Variants in HIBADH observed in about 807,000 individuals in gnomAD.
HIBADH encodes 3-hydroxyisobutyrate dehydrogenase, mitochondrial.
HIBADH carries 25 observed loss-of-function variants against 36.1 expected under a neutral mutation model. The observed-to-expected ratio is 0.69, with a 90% CI of 0.50 to 0.97. The LOEUF (loss-of-function observed/expected upper bound fraction) is 0.97. Among genes scored for constraint, HIBADH ranks in the 50% least tolerant of loss-of-function variants. The pLI is 0.00. For synonymous variants in HIBADH, 160 were observed against 149.5 expected (o/e 1.07, Z -0.51); for missense variants, 421 against 418.0 (o/e 1.01, Z -0.06).
intron 4 of HIBADH, among the ~76,000 whole-genome samples, chr7:27,588,137 A>G (rs934957585): frequency 6.6e-5 from 10 of 152,256 alleles, no homozygotes; most frequent in African/African-American, 1.9e-4. Flanking sequence ...TTACAAAACT[A>G]AAAAAATGAA....
At chr7:27,564,183 C>T (rs1424565526) in intron 4 of HIBADH, among the ~76,000 whole-genome samples, 1 of 152,126 alleles carries the variant, frequency 6.6e-6, no homozygotes, top group Non-Finnish European at 1.5e-5. Flanking sequence ...CAGGCGTGAG[C>T]CACCGTGCCT....
At chr7:27,591,546 G>A (rs1467926034) in intron 4 of HIBADH, among the ~76,000 whole-genome samples, 6 of 77,242 alleles carry the variant, frequency 7.8e-5, no homozygotes, top group South Asian at 8.0e-4. Context: ...GCGAGACTCC[G>A]TCTCAAAAAA....
intron 6 of HIBADH, among the ~76,000 whole-genome samples, chr7:27,536,535 A>C (rs1290065187): frequency 1.3e-5 from 2 of 152,106 alleles, no homozygotes; most frequent in Non-Finnish European, 2.9e-5. Flanking sequence ...CTGCTCTCTT[A>C]CATCTCTATT....
intron 4 of HIBADH, among the ~76,000 whole-genome samples, chr7:27,595,453 G>GGTTGCAGTGAGCCTAGACC (rs1167680689): frequency 2.6e-5 from 4 of 152,164 alleles, no homozygotes; most frequent in Non-Finnish European, 5.9e-5. Flanking sequence ...GGGAGGCAGA[G>GGTTGCAGTGAGCCTAGACC]GTTGCAGTGA....
intron 4 of HIBADH, among the ~76,000 whole-genome samples, chr7:27,581,846 A>G (rs1784797435): frequency 6.8e-6 from 1 of 146,112 alleles, no homozygotes; most frequent in African/African-American, 2.5e-5. Context: ...AGGAATCTAC[A>G]AAAAAAAAAC....
chr7:27,548,194 CT>C (rs1784262161), intron 4 of HIBADH, among the ~76,000 whole-genome samples: 1 of 10,116 alleles, frequency 9.9e-5, no homozygotes, highest in South Asian at 6.7e-3. Flanking sequence ...CTCTCTCTCT[CT>C]TAAAAAAAAA....
At chr7:27,631,032 C>G (rs1389367307) in intron 3 of HIBADH, among the ~76,000 whole-genome samples, 1 of 152,140 alleles carries the variant, frequency 6.6e-6, no homozygotes, top group Admixed American at 6.5e-5. Flanking sequence ...AAGAATCACC[C>G]ATAAGAAGCA....
chr7:27,641,945 G>C (rs1479978439), intron 2 of HIBADH, among the ~76,000 whole-genome samples: 1 of 62,586 alleles, frequency 1.6e-5, no homozygotes, highest in African/African-American at 9.8e-5. Context: ...GTGAGGAAGA[G>C]AGGCAAGAAG....
intron 5 of HIBADH, among the ~76,000 whole-genome samples, chr7:27,539,693 C>T (rs1784118992): frequency 6.6e-6 from 1 of 152,176 alleles, no homozygotes; most frequent in Admixed American, 6.5e-5. Flanking sequence ...GGGTGCCAAC[C>T]CCCAGTGCAG....
rs1786215550 is a variant in HIBADH at position 27,652,550 on chromosome 7, A to G, written c.92-2917T>C. Among the ~76,000 whole-genome samples, 4 of 152,240 alleles carry G rather than the reference A, an allele frequency of 2.6e-5. No homozygotes were observed. In the South Asian group the frequency reaches 6.2e-4, roughly 24 times the overall value. On this transcript the variant is annotated intron_variant, in intron 1 of 7. Coordinates refer to ENST00000265395, the MANE Select transcript of HIBADH (RefSeq NM_152740.4). ...TCTAGATGCCTTAGTTTGAGCTACT[A>G]TAACAAATATACCATAATGGCTTAA...
intron 2 of HIBADH, among the ~76,000 whole-genome samples, chr7:27,643,520 A>G (rs934900045): frequency 1.3e-5 from 2 of 152,252 alleles, no homozygotes; most frequent in African/African-American, 4.8e-5. Flanking sequence ...TCCTTCATAC[A>G]TGTGGAAACA....
chr7:27,606,855 T>C (rs1785236718), intron 4 of HIBADH, among the ~76,000 whole-genome samples: 1 of 152,218 alleles, frequency 6.6e-6, no homozygotes, highest in African/African-American at 2.4e-5. Flanking sequence ...ATAGTTACAA[T>C]TCCAAAAAGT....
intron 4 of HIBADH, among the ~76,000 whole-genome samples, chr7:27,605,775 T>A (rs905469833): frequency 6.6e-6 from 1 of 152,050 alleles, no homozygotes; most frequent in African/African-American, 2.4e-5. Flanking sequence ...TGATATCAGA[T>A]GTAGTTTTCA....
intron 4 of HIBADH, among the ~76,000 whole-genome samples, chr7:27,598,943 CTGAG>C (rs1439240586): frequency 1.3e-5 from 2 of 151,096 alleles, no homozygotes; most frequent in Non-Finnish European, 2.9e-5. Flanking sequence ...GCTTTATGTA[CTGAG>C]TGAGCACTGA....
chr7:27,605,424 T>A (rs1785201848), intron 4 of HIBADH, among the ~76,000 whole-genome samples: 1 of 149,056 alleles, frequency 6.7e-6, no homozygotes, highest in Non-Finnish European at 1.5e-5. Context: ...TCCCTCTTTT[T>A]AAAAATTCCC....
At chr7:27,548,280 C>A (rs1461473771) in intron 4 of HIBADH, among the ~76,000 whole-genome samples, 2 of 151,438 alleles carry the variant, frequency 1.3e-5, no homozygotes, top group East Asian at 1.9e-4. Context: ...TAGTTGACAT[C>A]AAAAATGTGA....
At chr7:27,595,354 T>C (rs1785013716) in intron 4 of HIBADH, among the ~76,000 whole-genome samples, 1 of 151,910 alleles carries the variant, frequency 6.6e-6, no homozygotes, top group African/African-American at 2.4e-5. Flanking sequence ...CCCGTCTCTA[T>C]GAAAAGTACA....
chr7:27,548,137 T>C (rs891138732), intron 4 of HIBADH, among the ~76,000 whole-genome samples: 3 of 151,436 alleles, frequency 2.0e-5, no homozygotes, highest in African/African-American at 7.3e-5. Context: ...ATAAGCCTTA[T>C]AGTGGAGAAG....
At chr7:27,542,601 GT>G (rs1243294879) in intron 5 of HIBADH, among the ~76,000 whole-genome samples, 1 of 151,734 alleles carries the variant, frequency 6.6e-6, no homozygotes, top group Non-Finnish European at 1.5e-5. Context: ...ATAAGTGTGT[GT>G]CACCACACTC....
Sources: gnomAD v4.1 joint callset for allele counts (sites outside exome capture counted in the v4.1 genomes callset) on GRCh38, gnomAD v4.1.1 for gene constraint, MANE v1.5 for transcripts, NCBI Gene and HGNC (gene_info 2026-07-23, HGNC 2026-07-21) for gene names.